Variants in TMEM178B observed in about 807,000 individuals in gnomAD.
TMEM178B encodes transmembrane protein 178B.
TMEM178B carries 5 observed loss-of-function variants against 31.0 expected under a neutral mutation model. The observed-to-expected ratio is 0.16, with a 90% CI of 0.08 to 0.34. The LOEUF (loss-of-function observed/expected upper bound fraction) is 0.34. TMEM178B is among the 10% of genes least tolerant of loss of function. The pLI is 1.00. For missense variants in TMEM178B, 275 were observed against 400.3 expected (o/e 0.69, Z 2.67); for synonymous variants, 164 against 164.0 (o/e 1.00, Z 0.00).
At chr7:141,330,328 A>G (rs1481921779) in intron 2 of TMEM178B, among the ~76,000 whole-genome samples, 4 of 152,098 alleles carry the variant, frequency 2.6e-5, no homozygotes, top group Non-Finnish European at 4.4e-5. Context: ...CCCTGTGTCC[A>G]TGTGTTCTCA....
intron 2 of TMEM178B, among the ~76,000 whole-genome samples, chr7:141,370,368 T>G (rs1037077186): frequency 6.6e-6 from 1 of 152,198 alleles, no homozygotes; most frequent in Non-Finnish European, 1.5e-5. Flanking sequence ...GCTGAGCTAC[T>G]CTTCCAGATG....
At chr7:141,169,939 A>G (rs1796321834) in intron 1 of TMEM178B, among the ~76,000 whole-genome samples, 1 of 152,194 alleles carries the variant, frequency 6.6e-6, no homozygotes, top group Non-Finnish European at 1.5e-5. Context: ...TGAATACATA[A>G]TTTCTTTTGC....
chr7:141,465,724 A>T (rs1472236501), intron 3 of TMEM178B, among the ~76,000 whole-genome samples: 1 of 152,176 alleles, frequency 6.6e-6, no homozygotes, highest in Non-Finnish European at 1.5e-5. Flanking sequence ...ATAAAAATAT[A>T]AATTATTGGC....
the TMEM178B span, among the ~76,000 whole-genome samples, chr7:141,508,513 C>T: frequency 6.6e-6 from 1 of 152,194 alleles, no homozygotes; most frequent in African/African-American, 2.4e-5. Flanking sequence ...TCAGCAGTGT[C>T]CCACTCTACT....
intron 1 of TMEM178B, among the ~76,000 whole-genome samples, chr7:141,104,960 C>T (rs1012855846): frequency 6.6e-6 from 1 of 152,182 alleles, no homozygotes; most frequent in African/African-American, 2.4e-5. Flanking sequence ...TTGGTCATAA[C>T]ATGGCCTGAA....
the TMEM178B span, among the ~76,000 whole-genome samples, chr7:141,502,674 G>A: frequency 1.0e-3 from 154 of 152,184 alleles, no homozygotes; most frequent in Middle Eastern, 6.8e-3. Flanking sequence ...GGAGGCTGAG[G>A]CAGGAAAATC....
chr7:141,202,339 G>C (rs1359107550), intron 1 of TMEM178B, among the ~76,000 whole-genome samples: 1 of 135,924 alleles, frequency 7.4e-6, no homozygotes, highest in Non-Finnish European at 1.5e-5. Flanking sequence ...TAGGGGCAAG[G>C]TAAGGGGGTC....
the TMEM178B span, among the ~76,000 whole-genome samples, chr7:141,500,309 C>T: frequency 2.0e-5 from 3 of 152,114 alleles, no homozygotes; most frequent in African/African-American, 7.2e-5. Context: ...GAAGCCAATA[C>T]TGCAGGGTAG....
chr7:141,216,255 G>T (rs919968208), intron 2 of TMEM178B, among the ~76,000 whole-genome samples: 5 of 152,132 alleles, frequency 3.3e-5, no homozygotes, highest in African/African-American at 1.2e-4. Context: ...TTTTTGAAAA[G>T]TTAAGCCTAC....
At chr7:141,315,024 G>A (rs151224073) in intron 2 of TMEM178B, among the ~76,000 whole-genome samples, 1 of 152,288 alleles carries the variant, frequency 6.6e-6, no homozygotes, top group African/African-American at 2.4e-5. Flanking sequence ...TCTTCCTGAT[G>A]TGCTTCAACC....
At chr7:141,161,443 A>T (rs1796171149) in intron 1 of TMEM178B, among the ~76,000 whole-genome samples, 1 of 152,202 alleles carries the variant, frequency 6.6e-6, no homozygotes, top group African/African-American at 2.4e-5. Flanking sequence ...GTGACCCAGG[A>T]GCGAAGCCAG....
intron 1 of TMEM178B, among the ~76,000 whole-genome samples, chr7:141,189,694 A>G (rs1380291958): frequency 1.3e-5 from 2 of 152,232 alleles, no homozygotes; most frequent in African/African-American, 4.8e-5. Flanking sequence ...GCTGGCTCCC[A>G]CATCAGCATG....
intron 1 of TMEM178B, among the ~76,000 whole-genome samples, chr7:141,167,052 T>C (rs1796273964): frequency 6.6e-6 from 1 of 152,206 alleles, no homozygotes; most frequent in Admixed American, 6.5e-5. Flanking sequence ...AGTAGCTTCT[T>C]GTGTGGCCTA....
chr7:141,078,981 CA>C (rs1391134235), intron 1 of TMEM178B, among the ~76,000 whole-genome samples: 1 of 152,172 alleles, frequency 6.6e-6, no homozygotes, highest in Non-Finnish European at 1.5e-5. Flanking sequence ...TTCAAGTTAA[CA>C]ATAACCAAAG....
intron 2 of TMEM178B, among the ~76,000 whole-genome samples, chr7:141,278,453 C>T (rs1412583694): frequency 2.0e-5 from 3 of 152,036 alleles, no homozygotes; most frequent in South Asian, 2.1e-4. Context: ...TTGGGGGCTG[C>T]GCACCTGTAA....
chr7:141,237,937 C>T lies in TMEM178B; in HGVS notation c.496+25233C>T, dbSNP rs146262379. ...ACTCGGGAGGCTGAGGCAGGAGAATCGCTTGAACCTGGGGGAGCTGAGGTT... is the reference window on the plus strand; with the variant it reads ...ACTCGGGAGGCTGAGGCAGGAGAATTGCTTGAACCTGGGGGAGCTGAGGTT... On this transcript the variant is annotated intron_variant, in intron 2 of 3. Transcript: ENST00000565468. Among the ~76,000 whole-genome samples, 667 of 150,998 alleles carry T rather than the reference C, an allele frequency of 4.4e-3. 6 individuals carry two copies. The highest frequency in any genetic ancestry group is 0.016 in the African/African-American group (647 of 41,116).
chr7:141,488,798 T>C, the TMEM178B span, among the ~76,000 whole-genome samples: 1 of 151,356 alleles, frequency 6.6e-6, no homozygotes, highest in African/African-American at 2.4e-5. Flanking sequence ...GAAACTAAAA[T>C]ATGCAAAGAC....
At chr7:141,362,727 A>G (rs537248838) in intron 2 of TMEM178B, among the ~76,000 whole-genome samples, 64 of 152,202 alleles carry the variant, frequency 4.2e-4, no homozygotes, top group Non-Finnish European at 8.2e-4. Flanking sequence ...CTGGACATCC[A>G]TGACTAATTG....
intron 2 of TMEM178B, among the ~76,000 whole-genome samples, chr7:141,388,634 A>G (rs1800475818): frequency 6.6e-6 from 1 of 152,218 alleles, no homozygotes; most frequent in Admixed American, 6.5e-5. Flanking sequence ...ATTGAAAAGT[A>G]CTAGAGTAAT....
Sources: allele counts gnomAD v4.1 joint callset (sites outside exome capture counted in the v4.1 genomes callset), GRCh38; gene constraint gnomAD v4.1.1; transcripts MANE v1.5; gene names NCBI Gene and HGNC (gene_info 2026-07-23, HGNC 2026-07-21).